The following WWC1 variants were observed in gnomAD, a reference collection of about 807,000 sequenced individuals.
The protein encoded by WWC1 is WW and C2 domain containing 1, also known as protein KIBRA.
A neutral mutation model predicts 138.4 loss-of-function variants in WWC1; 55 were observed. The observed-to-expected ratio is 0.40, with a 90% CI of 0.32 to 0.50. The LOEUF is 0.50. Among genes scored for constraint, WWC1 ranks in the 20% least tolerant of loss-of-function variants. WWC1 has a pLI of 0.72. For missense variants in WWC1, 1,226 were observed against 1,420.4 expected (o/e 0.86, Z 2.20); for synonymous variants, 524 against 564.9 (o/e 0.93, Z 1.03).
intron 1 of WWC1, among the ~76,000 whole-genome samples, chr5:168,312,157 A>G (rs2101897): frequency 0.76 from 115,750 of 151,444 alleles, 44,555 homozygotes; most frequent in African/African-American, 0.84. Flanking sequence ...GACAGAGGTT[A>G]CAGTGACCGA....
At chr5:168,343,293 G>A (rs1774198547) in intron 1 of WWC1, among the ~76,000 whole-genome samples, 1 of 152,200 alleles carries the variant, frequency 6.6e-6, no homozygotes, top group Admixed American at 6.5e-5. Flanking sequence ...CATTCTGAGT[G>A]TTTACTGTGG....
At chr5:168,316,692 C>T (rs1561600855) in intron 1 of WWC1, 1 of 152,222 alleles carries the variant, frequency 6.6e-6, no homozygotes, top group South Asian at 2.1e-4. Context: ...CACAGCAGGC[C>T]CTAGCAAATG....
At chr5:168,296,764 C>G (rs1438363744) in intron 1 of WWC1, among the ~76,000 whole-genome samples, 1 of 152,222 alleles carries the variant, frequency 6.6e-6, no homozygotes, top group Non-Finnish European at 1.5e-5. Flanking sequence ...AGCCCCTCAA[C>G]CTTTGTGGAG....
rs36077308 is a variant in WWC1, at chr5:168,326,546, G to C, written c.119+34275G>C. ...CTTGATAGTGTTATTTGTTGTTGTT[G>C]TTGTTGTTTTTAGATGGAGTCTAGC... On this transcript the variant is annotated intron_variant, in intron 1 of 22. Transcript: ENST00000265293. Among the ~76,000 whole-genome samples, 20 of 150,652 alleles carry C rather than the reference G, an allele frequency of 1.3e-4. 1 individual carries two copies. The East Asian group carries it at 2.9e-3, about 22-fold the overall frequency.
intron 3 of WWC1, among the ~76,000 whole-genome samples, chr5:168,385,817 A>G (rs528327231): frequency 4.6e-5 from 7 of 152,198 alleles, no homozygotes; most frequent in Non-Finnish European, 8.8e-5. Flanking sequence ...TTCACTTAAT[A>G]AATAGTTAAA....
At chr5:168,348,792 G>T (rs969958907) in intron 1 of WWC1, among the ~76,000 whole-genome samples, 2 of 152,172 alleles carry the variant, frequency 1.3e-5, no homozygotes, top group Non-Finnish European at 2.9e-5. Flanking sequence ...GGGGCCAGGG[G>T]TATCCAGCCC....
rs1310757425 is a variant in WWC1, at chr5:168,460,756, C to T, written c.2916+14C>T. On this transcript the variant is annotated intron_variant, in intron 20 of 22. Transcript: ENST00000265293. ...CGGATGAAGCGGGTAAGAGAGTCAC[C>T]TCAAAGCTATTTTTCTGCCTGCTCC... is the stretch of plus-strand genomic sequence containing the variant. 1 of 1,613,816 alleles carries T rather than the reference C, an allele frequency of 6.2e-7. No individual in the cohort carries two copies. The highest frequency in any genetic ancestry group is 1.3e-5 in the African/African-American group (1 of 74,924).
At chr5:168,422,607 C>T (rs1781180152) in intron 10 of WWC1, among the ~76,000 whole-genome samples, 1 of 151,888 alleles carries the variant, frequency 6.6e-6, no homozygotes, top group Non-Finnish European at 1.5e-5. Flanking sequence ...AGAGCCAGAC[C>T]TTGTCTCCAA....
chr5:168,443,195 C>A (rs917200951), intron 16 of WWC1, among the ~76,000 whole-genome samples: 4 of 152,192 alleles, frequency 2.6e-5, no homozygotes, highest in African/African-American at 9.7e-5. Context: ...CAGCCACTGC[C>A]TAGAATTTCA....
chr5:168,431,349 G>A lies in WWC1; in HGVS notation c.2185G>A (p.Val729Met). ...DASDTLVFNE[V>M]FWVSMSYPAL... ...CTCAGACACTCTAGTGTTCAATGAG[G>A]TGTTCTGGGTATCCATGTCCTATCC... The change falls in exon 15 of 23, where the codon GTG (valine) becomes ATG (methionine). Residue 729 changes from valine (V) to methionine (M), a missense_variant. Physicochemically the swap from Val to Met is conservative, Grantham distance 21. This residue lies in a region of WWC1 where 1,016 missense variants were observed against 1,153.9 expected (regional missense o/e 0.88). Transcript: ENST00000265293. 1.2e-6 allele frequency: 2 copies of A among 1,614,176 alleles called. No homozygotes were observed. The highest frequency in any genetic ancestry group is 8.5e-7 in the Non-Finnish European group (1 of 1,180,034).
In WWC1 at chr5:168,471,822, G is replaced by C. The variant is rs1166392943; in HGVS notation, c.*2805G>C. 6.6e-6 allele frequency: 1 copy of C among 152,342 alleles called. No individual in the cohort carries two copies. Among genetic ancestry groups the C allele is most frequent in the African/African-American group, 2.4e-5 (1 of 41,466 alleles). The allele number at this position is 152,342 out of a possible 1,614,324, so 9.4% of individuals were successfully genotyped here. A position where few individuals can be genotyped will look rare whatever the true frequency, so the allele number is the denominator to read the frequency against. ...AACCTGCAAAGGAAAGCAGATGCAA[G>C]AGATGGAGACAGAATGGGGGTGTCC... On this transcript the variant is annotated 3_prime_UTR_variant, in exon 23 of 23. Coordinates refer to ENST00000265293, the MANE Select transcript of WWC1 (RefSeq NM_015238.3).
At chr5:168,320,314 C>T (rs1171336036) in intron 1 of WWC1, among the ~76,000 whole-genome samples, 1 of 152,150 alleles carries the variant, frequency 6.6e-6, no homozygotes, top group Non-Finnish European at 1.5e-5. Context: ...GGATTATAGG[C>T]GTTAACCACT....
chr5:168,431,465 G>GCTGGCTGGCTGT (rs1443505845), intron 15 of WWC1, 21 bp downstream of exon 15: 1 of 308,670 alleles, frequency 3.2e-6, no homozygotes, highest in African/African-American at 1.7e-4. Flanking sequence ...TGTCTGGCTG[G>GCTGGCTGGCTGT]CTGGCTGGCT....
chr5:168,459,530 A>G (rs1344188392), intron 19 of WWC1, among the ~76,000 whole-genome samples: 2 of 152,094 alleles, frequency 1.3e-5, no homozygotes, highest in Admixed American at 6.5e-5. Flanking sequence ...CCATCATGTT[A>G]GGATTGTCTG....
chr5:168,400,551 G>A (rs899604551), intron 5 of WWC1, among the ~76,000 whole-genome samples: 4 of 152,206 alleles, frequency 2.6e-5, no homozygotes, highest in Non-Finnish European at 2.9e-5. Context: ...ATGCAGGTGT[G>A]TTCCTTTGAT....
At chr5:168,366,434 G>A (rs1311816246) in intron 1 of WWC1, among the ~76,000 whole-genome samples, 1 of 152,054 alleles carries the variant, frequency 6.6e-6, no homozygotes, top group African/African-American at 2.4e-5. Flanking sequence ...CCCTGTGATC[G>A]CATCAAAGGG....
intron 1 of WWC1, among the ~76,000 whole-genome samples, chr5:168,350,911 C>T (rs902956039): frequency 2.0e-5 from 3 of 152,004 alleles, no homozygotes; most frequent in African/African-American, 2.4e-5. Context: ...TTTGGGAGGC[C>T]GAGGCGGGCG....
intron 19 of WWC1, among the ~76,000 whole-genome samples, chr5:168,459,214 A>C (rs967761412): frequency 2.0e-5 from 3 of 147,028 alleles, no homozygotes; most frequent in African/African-American, 7.5e-5. Flanking sequence ...AGATAGCACC[A>C]TTGCACTCCA....
At chr5:168,403,087 C>CTTTCTTTCTTTCTTTTCTTTT (rs1779504732) in intron 5 of WWC1, among the ~76,000 whole-genome samples, 1 of 92,168 alleles carries the variant, frequency 1.1e-5, no homozygotes, top group Non-Finnish European at 2.2e-5. Context: ...TCTTTTCTTT[C>CTTTCTTTCTTTCTTTTCTTTT]TTTTCTTTCT....
Sources: gnomAD v4.1 joint callset for allele counts (sites outside exome capture counted in the v4.1 genomes callset) on GRCh38, gnomAD v4.1.1 for gene constraint, gnomAD v4.1.1 regional missense constraint, MANE v1.5 for transcripts, NCBI Gene and HGNC (gene_info 2026-07-23, HGNC 2026-07-21) for gene names.